PSEN2: variants seen among roughly 807,000 people sequenced by gnomAD.
PSEN2 encodes the protein presenilin-2.
In PSEN2, 32 loss-of-function variants were observed where a neutral mutation model predicts 49.1. The ratio of observed to expected loss-of-function variants is 0.65; its 90% CI spans 0.49 to 0.88. PSEN2 has a LOEUF of 0.88. Ranked by LOEUF, PSEN2 falls within the 40% of genes least tolerant of loss-of-function variation. The probability of loss-of-function intolerance (pLI) is 0.00; values close to 1 mark genes in which losing one functional copy is unlikely to be tolerated. For synonymous variants in PSEN2, 255 were observed against 244.0 expected (o/e 1.05, Z -0.42); for missense variants, 522 against 586.9 (o/e 0.89, Z 1.14).
intron 4 of PSEN2, among the ~76,000 whole-genome samples, chr1:226,883,230 TTTC>T (rs1245907166): frequency 1.3e-5 from 2 of 152,202 alleles, no homozygotes; most frequent in African/African-American, 2.4e-5. Context: ...TTCAAAGTAA[TTTC>T]TTCCTCTGCA....
rs867630109 is a variant in PSEN2 at position 226,884,426 on chromosome 1, G to A, written c.356+507G>A. On this transcript the variant is annotated intron_variant, in intron 5 of 12. Transcript: ENST00000366783. ...GTGAGGAAGACTTATAAAGCCTTTC[G>A]TTTATTTTAGTAAAATACATGCAGA... 2.4e-4 allele frequency among the ~76,000 whole-genome samples: 37 copies of A among 152,210 alleles called. No homozygotes were observed. In the Middle Eastern group the frequency reaches 0.01, roughly 42 times the overall value.
chr1:226,876,122 G>A (rs550942069), intron 3 of PSEN2, among the ~76,000 whole-genome samples: 150 of 152,160 alleles, frequency 9.9e-4, no homozygotes, highest in Admixed American at 3.7e-3. Context: ...GTCAGCCTCC[G>A]GGGAGAGTTC....
chr1:226,881,771 G>A, intron 3 of PSEN2, 117 bp from the exon 4 acceptor site: 1 of 1,125,080 alleles, frequency 8.9e-7, no homozygotes, highest in Non-Finnish European at 1.4e-6. Flanking sequence ...TCTCTTGGAA[G>A]CTTTTGGGGC....
At chr1:226,878,683 T>G (rs1180849273) in intron 3 of PSEN2, among the ~76,000 whole-genome samples, 1 of 152,058 alleles carries the variant, frequency 6.6e-6, no homozygotes, top group Non-Finnish European at 1.5e-5. Flanking sequence ...ATAGCAGAGA[T>G]AAATCACAGG....
At chr1:226,893,951 CT>C in intron 11 of PSEN2, 55 bp from the exon 12 acceptor site, 1 of 1,480,718 alleles carries the variant, frequency 6.8e-7, no homozygotes, top group Admixed American at 1.7e-5. Context: ...AGTTTCTCTT[CT>C]TTTTCCATTC....
chr1:226,887,836 G>T (rs886426112), intron 6 of PSEN2, among the ~76,000 whole-genome samples: 2 of 152,134 alleles, frequency 1.3e-5, no homozygotes, highest in Admixed American at 6.5e-5. Flanking sequence ...CAGTAGAGAT[G>T]GGGGGAGACC....
chr1:226,899,558 A>G (rs1021579974), downstream of PSEN2: 2 of 152,258 alleles, frequency 1.3e-5, no homozygotes, highest in African/African-American at 2.4e-5. Context: ...GGCAGAGGGT[A>G]TGTAAATCTG....
intron 8 of PSEN2, 87 bp downstream of exon 8, chr1:226,889,136 T>A: frequency 8.0e-7 from 1 of 1,257,106 alleles, no homozygotes; most frequent in Non-Finnish European, 1.1e-6. Context: ...GGGCAGGTGC[T>A]GAAGGGCTTG....
At chr1:226,879,192 C>A (rs1304709829) in intron 3 of PSEN2, among the ~76,000 whole-genome samples, 1 of 152,152 alleles carries the variant, frequency 6.6e-6, no homozygotes, top group Non-Finnish European at 1.5e-5. Context: ...CCTGCATTTC[C>A]ACCTGATAAT....
chr1:226,882,133 T>C (rs1283480784), intron 4 of PSEN2, 85 bp downstream of exon 4: 1 of 1,546,592 alleles, frequency 6.5e-7, no homozygotes, highest in Non-Finnish European at 8.8e-7. Context: ...ATTCATTCCC[T>C]GATGCGGGAG....
chr1:226,888,174 G>A lies in PSEN2; in HGVS notation c.566+16G>A. 1 of 1,602,440 alleles carries A rather than the reference G, an allele frequency of 6.2e-7. No individual in the cohort carries two copies. The highest frequency in any genetic ancestry group is 8.6e-7 in the Non-Finnish European group (1 of 1,169,414). Reference sequence around the variant, plus strand: ...TCTACCTTGGGTAAGTGACAGATAAGCAGCAGGGTCCCTGGGAGCCCCTCT... The same window carrying A: ...TCTACCTTGGGTAAGTGACAGATAAACAGCAGGGTCCCTGGGAGCCCCTCT... On this transcript the variant is annotated intron_variant, in intron 7 of 12. Coordinates refer to ENST00000366783, the MANE Select transcript of PSEN2 (RefSeq NM_000447.3).
chr1:226,881,961 G>A lies in PSEN2; in HGVS notation c.54G>A (p.Thr18=), dbSNP rs201018913. ...AGGAAGAAGTGTGTGATGAGCGGACGTCCCTAATGTCGGCTGAGAGCCCCA... is the reference window on the plus strand; with the variant it reads ...AGGAAGAAGTGTGTGATGAGCGGACATCCCTAATGTCGGCTGAGAGCCCCA... The part of the protein sequence containing the change: ...DSEEEVCDER[T]SLMSAESPTP... The change falls in exon 4 of 13, where the codon ACG becomes ACA. Residue 18 remains threonine (T), a synonymous_variant. Transcript: ENST00000366783. The A allele has an allele frequency of 2.6e-5, 42 of 1,613,992 alleles. No individual in the cohort carries two copies. Among genetic ancestry groups the A allele is most frequent in the East Asian group, 1.3e-4 (6 of 44,898 alleles).
At chr1:226,892,212 G>A (rs1661806832) in intron 11 of PSEN2, among the ~76,000 whole-genome samples, 1 of 152,198 alleles carries the variant, frequency 6.6e-6, no homozygotes, top group Admixed American at 6.5e-5. Flanking sequence ...GGGGCTTCTT[G>A]ACCTGGTTGG....
Position 226,895,647 on chromosome 1 carries a change from A to C in PSEN2, c.*68A>C. On this transcript the variant is annotated 3_prime_UTR_variant, in exon 13 of 13. Transcript: ENST00000366783. ...ATTGGATGCAGTTGTATAGTTTTAC[A>C]CTCTAGTGCCATATATTTTTAAGAC... 6.7e-7 allele frequency: 1 copy of C among 1,496,878 alleles called. No homozygotes were observed. The highest frequency in any genetic ancestry group is 9.1e-7 in the Non-Finnish European group (1 of 1,094,718). The allele number at this position is 1,496,878 out of a possible 1,614,324, so 92.7% of individuals were successfully genotyped here. A position where few individuals can be genotyped will look rare whatever the true frequency, so the allele number is the denominator to read the frequency against.
intron 3 of PSEN2, among the ~76,000 whole-genome samples, chr1:226,876,505 C>G (rs564358528): frequency 6.6e-6 from 1 of 152,212 alleles, no homozygotes; most frequent in South Asian, 2.1e-4. Context: ...TAAAATAAAC[C>G]CTACAGATAC....
At chr1:226,892,863 G>T (rs1661854156) in intron 11 of PSEN2, among the ~76,000 whole-genome samples, 1 of 152,192 alleles carries the variant, frequency 6.6e-6, no homozygotes, top group Non-Finnish European at 1.5e-5. Context: ...ACCCCCTTAG[G>T]TTCAATAACT....
At chr1:226,892,828 C>A (rs545853854) in intron 11 of PSEN2, among the ~76,000 whole-genome samples, 3 of 152,162 alleles carry the variant, frequency 2.0e-5, no homozygotes, top group African/African-American at 7.2e-5. Context: ...TGCTTCTGAC[C>A]GGCTGCAAAT....
chr1:226,882,072 G>T (rs1558143614), intron 4 of PSEN2, 24 bp downstream of exon 4: 1 of 1,613,320 alleles, frequency 6.2e-7, no homozygotes, highest in Admixed American at 1.7e-5. Flanking sequence ...GCAGCTGGGG[G>T]CCTTCAAACA....
Position 226,891,723 on chromosome 1 carries a change from T to G in PSEN2, c.971-20T>G. On this transcript the variant is annotated intron_variant, in intron 10 of 12. Coordinates refer to ENST00000366783, the MANE Select transcript of PSEN2 (RefSeq NM_000447.3). ...CCTCCTCACGGTGATGACGGACATC[T>G]TCTCTTCCTGGACACCCAGAAGAAG... is the stretch of plus-strand genomic sequence containing the variant. 1 of 1,597,426 alleles carries G rather than the reference T, an allele frequency of 6.3e-7. No homozygotes were observed. Among genetic ancestry groups the G allele is most frequent in the Non-Finnish European group, 8.6e-7 (1 of 1,164,890 alleles).
Sources: gnomAD v4.1 joint callset for allele counts (sites outside exome capture counted in the v4.1 genomes callset) on GRCh38, gnomAD v4.1.1 for gene constraint, MANE v1.5 for transcripts, NCBI Gene and HGNC (gene_info 2026-07-23, HGNC 2026-07-21) for gene names.